Variants in SORCS3 observed in about 807,000 individuals in gnomAD.
SORCS3 encodes sortilin related VPS10 domain containing receptor 3, also known as VPS10 domain-containing receptor SorCS3.
SORCS3 carries 57 observed loss-of-function variants against 146.3 expected under a neutral mutation model. That is an observed-to-expected ratio of 0.39 (90% confidence interval 0.31 to 0.49). SORCS3 has a LOEUF of 0.49. Ranked by LOEUF, SORCS3 falls within the 20% of genes least tolerant of loss-of-function variation. SORCS3 has a pLI of 0.92. For missense variants in SORCS3, 1,341 were observed against 1,575.5 expected, an observed-to-expected ratio of 0.85 and a Z score of 2.52; for synonymous variants, 653 against 618.5, an observed-to-expected ratio of 1.06 and a Z score of -0.83.
At chr10:104,847,463 C>T (rs536400238) in intron 2 of SORCS3, among the ~76,000 whole-genome samples, 1 of 152,238 alleles carries the variant, frequency 6.6e-6, no homozygotes, top group South Asian at 2.1e-4. Flanking sequence ...TCTGCCTGTC[C>T]ATCCTAAGCA....
intron 1 of SORCS3, among the ~76,000 whole-genome samples, chr10:104,741,275 C>A (rs2016839312): frequency 6.6e-6 from 1 of 151,798 alleles, no homozygotes; most frequent in African/African-American, 2.4e-5. Context: ...ACAATCAGAC[C>A]TTTTCTTTTT....
At chr10:105,000,393 A>G (rs1377541153) in intron 4 of SORCS3, among the ~76,000 whole-genome samples, 2 of 151,862 alleles carry the variant, frequency 1.3e-5, no homozygotes, top group African/African-American at 4.8e-5. Context: ...CCATTTTCAC[A>G]TGGACTTGTC....
At chr10:104,857,606 C>A (rs1487996680) in intron 2 of SORCS3, among the ~76,000 whole-genome samples, 2 of 152,174 alleles carry the variant, frequency 1.3e-5, no homozygotes, top group African/African-American at 4.8e-5. Context: ...AAGTTCAGAG[C>A]TTCCTTGTTT....
intron 14 of SORCS3, among the ~76,000 whole-genome samples, chr10:105,179,110 A>G (rs113944811): frequency 5.6e-4 from 86 of 152,312 alleles, no homozygotes; most frequent in African/African-American, 2.0e-3. Flanking sequence ...AATTCTTTGT[A>G]ACTGTATTTA....
At chr10:104,741,133 A>AT (rs2016836932) in intron 1 of SORCS3, among the ~76,000 whole-genome samples, 16 of 114,618 alleles carry the variant, frequency 1.4e-4, no homozygotes, top group African/African-American at 2.9e-4. Context: ...GGATAATTTA[A>AT]ATTTTTTTTT....
chr10:104,645,679 G>GCC (rs767493010), intron 1 of SORCS3, among the ~76,000 whole-genome samples: 26 of 152,132 alleles, frequency 1.7e-4, no homozygotes, highest in Non-Finnish European at 3.5e-4. Context: ...ATATTTCTAG[G>GCC]CCCTCCCAGA....
intron 9 of SORCS3, among the ~76,000 whole-genome samples, chr10:105,156,649 A>G (rs1198343894): frequency 6.6e-6 from 1 of 152,210 alleles, no homozygotes. Flanking sequence ...GTGGCATGGA[A>G]AGAGACAGAT....
At position 105,214,739 on chromosome 10, in the gene SORCS3, G is replaced by A. The variant is rs536222618; in HGVS notation, c.2547+126G>A. The A allele has an allele frequency of 6.8e-5, 62 of 908,476 alleles. No individual in the cohort carries two copies. In the African/African-American group the frequency reaches 8.2e-4, roughly 12 times the overall value. The allele number at this position is 908,476 out of a possible 1,614,324, so 56.3% of individuals were successfully genotyped here. On this transcript the variant is annotated intron_variant, in intron 18 of 26. Coordinates refer to ENST00000369701, the MANE Select transcript of SORCS3 (RefSeq NM_014978.3). ...TCAATGGTGAGAAGCTGAAATTTCT[G>A]GAAAGAAGACAGACAAGGGTGAAAG...
At chr10:104,681,410 C>T (rs751488787) in intron 1 of SORCS3, among the ~76,000 whole-genome samples, 3 of 152,116 alleles carry the variant, frequency 2.0e-5, no homozygotes, top group African/African-American at 7.2e-5. Flanking sequence ...CCACCAGGCT[C>T]GTCTTTTTGC....
chr10:104,808,276 C>G (rs1175151872), intron 1 of SORCS3, among the ~76,000 whole-genome samples: 1 of 152,158 alleles, frequency 6.6e-6, no homozygotes, highest in Non-Finnish European at 1.5e-5. Flanking sequence ...ATTTATTTAG[C>G]AAGTACTATA....
chr10:105,007,389 G>A (rs981114013), intron 4 of SORCS3, among the ~76,000 whole-genome samples: 3 of 152,106 alleles, frequency 2.0e-5, no homozygotes, highest in Non-Finnish European at 2.9e-5. Context: ...TCCAGGCAGT[G>A]CACCAAACCT....
chr10:105,256,804 GTTC>G lies in SORCS3; in HGVS notation c.3338-9_3338-7del, dbSNP rs1168583487. 1.1e-5 allele frequency: 17 copies of G among 1,605,168 alleles called. No individual in the cohort carries two copies. Among genetic ancestry groups the G allele is most frequent in the East Asian group, 2.2e-5 (1 of 44,832 alleles). ...AGCATATCTGTTCTTTTCCTTATCTGTTCTTCTTTCCAAGCTCCATTGGTGGAC... is the reference window on the plus strand; with the variant it reads ...AGCATATCTGTTCTTTTCCTTATCTGTTCTTTCCAAGCTCCATTGGTGGAC... On this transcript the variant is annotated splice_polypyrimidine_tract_variant and intron_variant, in intron 24 of 26. Transcript: ENST00000369701.
intron 22 of SORCS3, among the ~76,000 whole-genome samples, chr10:105,250,721 T>C (rs1320747887): frequency 6.6e-6 from 1 of 152,126 alleles, no homozygotes; most frequent in Non-Finnish European, 1.5e-5. Context: ...GACTTGGGCA[T>C]TAGGACTTAA....
At chr10:105,204,027 C>T (rs2056588143) in intron 16 of SORCS3, among the ~76,000 whole-genome samples, 1 of 152,076 alleles carries the variant, frequency 6.6e-6, no homozygotes, top group African/African-American at 2.4e-5. Flanking sequence ...TTTCTGAACC[C>T]TTCTTTAGGG....
intron 19 of SORCS3, among the ~76,000 whole-genome samples, chr10:105,219,165 A>G (rs116482003): frequency 7.9e-4 from 120 of 152,318 alleles, no homozygotes; most frequent in African/African-American, 2.9e-3. Flanking sequence ...GCTCAGCTAA[A>G]GTTTCACTCA....
intron 2 of SORCS3, among the ~76,000 whole-genome samples, chr10:104,913,793 G>T (rs1455907984): frequency 1.7e-5 from 2 of 118,504 alleles, no homozygotes; most frequent in Non-Finnish European, 3.3e-5. Context: ...TTTTTTCCGA[G>T]ACGGAGTCTC....
At chr10:104,974,441 A>G (rs1053579170) in intron 3 of SORCS3, among the ~76,000 whole-genome samples, 1 of 152,118 alleles carries the variant, frequency 6.6e-6, no homozygotes, top group African/African-American at 2.4e-5. Flanking sequence ...TCCCTTTACC[A>G]TTATGTAATG....
intron 22 of SORCS3, among the ~76,000 whole-genome samples, chr10:105,251,337 G>A (rs1036177326): frequency 6.6e-6 from 1 of 152,080 alleles, no homozygotes; most frequent in Non-Finnish European, 1.5e-5. Context: ...CCCAGGATTC[G>A]ATCACCTCCA....
At chr10:104,882,516 A>T (rs2133576512) in intron 2 of SORCS3, among the ~76,000 whole-genome samples, 1 of 152,236 alleles carries the variant, frequency 6.6e-6, no homozygotes, top group Non-Finnish European at 1.5e-5. Flanking sequence ...TGTGCTGGGG[A>T]AGGAGCATGG....
Sources: allele counts gnomAD v4.1 joint callset (sites outside exome capture counted in the v4.1 genomes callset), GRCh38; gene constraint gnomAD v4.1.1; transcripts MANE v1.5; gene names NCBI Gene and HGNC (gene_info 2026-07-23, HGNC 2026-07-21).